The following JPH2 variants were observed in gnomAD, a reference collection of about 807,000 sequenced individuals.
JPH2 encodes the protein junctophilin 2, also known as junctophilin-2.
A neutral mutation model predicts 55.9 loss-of-function variants in JPH2; 38 were observed. The observed-to-expected ratio is 0.68, with a 90% CI of 0.52 to 0.89. JPH2 has a LOEUF of 0.89. JPH2 is among the 40% of genes least tolerant of loss of function. The probability of loss-of-function intolerance (pLI) is 0.00; values close to 1 mark genes in which losing one functional copy is unlikely to be tolerated. For synonymous variants in JPH2, 480 were observed against 472.4 expected, an observed-to-expected ratio of 1.02 and a Z score of -0.21; for missense variants, 964 against 1,037.6, an observed-to-expected ratio of 0.93 and a Z score of 0.97.
intron 2 of JPH2, among the ~76,000 whole-genome samples, chr20:44,156,607 G>A (rs1241567264): frequency 2.6e-5 from 4 of 152,166 alleles, no homozygotes; most frequent in Non-Finnish European, 4.4e-5. Flanking sequence ...ACATTCTCCA[G>A]AGGGGAGGAA....
In JPH2 at chr20:44,159,958, C is replaced by T; in HGVS notation, c.829G>A (p.Ala277Thr). The change falls in exon 2 of 6, where the codon GCA becomes ACA. Residue 277 changes from alanine (A) to threonine (T), a missense_variant. Physicochemically the swap from Ala to Thr is moderately conservative, Grantham distance 58. Coordinates refer to ENST00000372980, the MANE Select transcript of JPH2 (RefSeq NM_020433.5). This position sits in a 1 kb window ranked among gnomAD's most constrained non-coding sequence, Gnocchi z 5.7. ...GCGTCGATATCGGCCTCGAAGGGTG[C>T]GGCCTCGTCGGCGCCCTCGGCGGCC... is the stretch of plus-strand genomic sequence containing the variant. ...GEAAEGADEA[A>T]PFEADIDATT... 4 of 1,600,716 alleles carry T rather than the reference C, an allele frequency of 2.5e-6. No homozygotes were observed. Among genetic ancestry groups the T allele is most frequent in the East Asian group, 2.3e-5 (1 of 44,408 alleles).
intron 4 of JPH2, 119 bp downstream of exon 4, chr20:44,115,546 A>G (rs1052355849): frequency 3.0e-6 from 4 of 1,351,212 alleles, no homozygotes; most frequent in South Asian, 1.2e-5. Context: ...CTCCTGCTCT[A>G]TCCTGCTTCG....
intron 1 of JPH2, among the ~76,000 whole-genome samples, chr20:44,184,272 GTTCTTCTTC>G (rs151002502): frequency 1.3e-4 from 20 of 151,746 alleles, no homozygotes; most frequent in South Asian, 2.1e-4. Flanking sequence ...GTCAAAAAGT[GTTCTTCTTC>G]TTCTTCTTCT....
intron 2 of JPH2, among the ~76,000 whole-genome samples, chr20:44,142,343 G>A (rs1318343659): frequency 2.0e-5 from 3 of 152,138 alleles, no homozygotes; most frequent in Non-Finnish European, 4.4e-5. Context: ...GCCACAGGTT[G>A]CTAGTGGCTC....
chr20:44,121,186 A>G (rs1303364258), intron 2 of JPH2, among the ~76,000 whole-genome samples: 1 of 152,166 alleles, frequency 6.6e-6, no homozygotes, highest in African/African-American at 2.4e-5. Context: ...GAAGAAACAC[A>G]TACGTTAGGC....
intron 1 of JPH2, chr20:44,177,302 G>A (rs957757981): frequency 7.9e-5 from 78 of 985,788 alleles, no homozygotes; most frequent in East Asian, 1.1e-4. Context: ...AATGAGACTC[G>A]GCATTCCTCA....
At chr20:44,163,607 C>T (rs529199679) in intron 1 of JPH2, among the ~76,000 whole-genome samples, 6 of 152,306 alleles carry the variant, frequency 3.9e-5, no homozygotes, top group Admixed American at 2.0e-4. Flanking sequence ...CATGATAATG[C>T]GAATTTCCAG....
chr20:44,157,863 C>G (rs1458145180), intron 2 of JPH2, among the ~76,000 whole-genome samples: 1 of 151,146 alleles, frequency 6.6e-6, no homozygotes, highest in Non-Finnish European at 1.5e-5. Context: ...GCTGCAGCCC[C>G]AGGACAGGCG....
chr20:44,181,715 G>T (rs913440704), intron 1 of JPH2, among the ~76,000 whole-genome samples: 3 of 152,110 alleles, frequency 2.0e-5, no homozygotes, highest in African/African-American at 7.2e-5. Context: ...GTCTCCCTCC[G>T]CCCTCGTCAC....
chr20:44,123,167 C>T (rs1026555273), intron 2 of JPH2, among the ~76,000 whole-genome samples: 2 of 152,164 alleles, frequency 1.3e-5, no homozygotes, highest in Non-Finnish European at 2.9e-5. Context: ...CTCCAACCAC[C>T]CGGCCCGCTG....
chr20:44,134,650 TATTATAAATATATATAAATATATA>T lies in JPH2; in HGVS notation c.1170-16051_1170-16028del, dbSNP rs1315650940. On this transcript the variant is annotated intron_variant, in intron 2 of 5. Coordinates refer to ENST00000372980, the MANE Select transcript of JPH2 (RefSeq NM_020433.5). Reference sequence around the variant, plus strand: ...TATTTATTATAAATATATAAATATTTATTATAAATATATATAAATATATATTTATAAATATTATAAATATATATA... The same window carrying T: ...TATTTATTATAAATATATAAATATTTTTTATAAATATTATAAATATATATA... Among the ~76,000 whole-genome samples the T allele has an allele frequency of 2.6e-4, 11 of 42,460 alleles. 3 individuals carry two copies. Among genetic ancestry groups the T allele is most frequent in the Non-Finnish European group, 4.2e-4 (11 of 26,290 alleles). The allele number at this position is 42,460 out of a possible 152,430, so 27.9% of individuals were successfully genotyped here.
At chr20:44,145,009 G>A (rs951201561) in intron 2 of JPH2, among the ~76,000 whole-genome samples, 10 of 152,146 alleles carry the variant, frequency 6.6e-5, no homozygotes, top group South Asian at 2.1e-4. Flanking sequence ...GGGAAAAGCC[G>A]CTTGCCCAAA....
At chr20:44,125,131 A>G (rs2072266832) in intron 2 of JPH2, among the ~76,000 whole-genome samples, 2 of 143,714 alleles carry the variant, frequency 1.4e-5, no homozygotes, top group South Asian at 2.3e-4. Context: ...AAAAAAAAAA[A>G]GTAACATTTT....
At chr20:44,120,304 T>G (rs1356239753) in intron 2 of JPH2, among the ~76,000 whole-genome samples, 2 of 152,178 alleles carry the variant, frequency 1.3e-5, no homozygotes, top group Non-Finnish European at 2.9e-5. Flanking sequence ...GCCCCACAGT[T>G]GCACGTGACA....
Position 44,133,862 on chromosome 20 carries a change from CATTATAATATATAAATATATATTTAT to C in JPH2, c.1170-15265_1170-15240del. Among the ~76,000 whole-genome samples, 2 of 35,434 alleles carry C rather than the reference CATTATAATATATAAATATATATTTAT, an allele frequency of 5.6e-5. 1 individual carries two copies. Among genetic ancestry groups the C allele is most frequent in the East Asian group, 1.2e-3 (2 of 1,710 alleles). The allele number at this position is 35,434 out of a possible 152,430, so 23.2% of individuals were successfully genotyped here. A position where few individuals can be genotyped will look rare whatever the true frequency, so the allele number is the denominator to read the frequency against. The stretch of plus-strand genomic sequence containing the variant: ...TTATAAATATATATAAATAAATATA[CATTATAATATATAAATATATATTTAT>C]TATAAATATATATAAATAAATATAC... On this transcript the variant is annotated intron_variant, in intron 2 of 5. Coordinates refer to ENST00000372980, the MANE Select transcript of JPH2 (RefSeq NM_020433.5).
At chr20:44,114,926 C>A in intron 4 of JPH2, 50 bp from the exon 5 acceptor site, 1 of 1,408,780 alleles carries the variant, frequency 7.1e-7, no homozygotes, top group Non-Finnish European at 9.9e-7. Flanking sequence ...CTCGGAGACA[C>A]CCCCCACCCA....
chr20:44,150,410 T>C (rs1013256855), intron 2 of JPH2, among the ~76,000 whole-genome samples: 6 of 152,218 alleles, frequency 3.9e-5, no homozygotes, highest in African/African-American at 1.4e-4. Context: ...TGAAAGGTGC[T>C]CCATGTTCAT....
Position 44,108,574 on chromosome 20 carries a change from T to G in JPH2, c.*4944A>C, listed in dbSNP as rs1407928338. Among the ~76,000 whole-genome samples, 1 of 144,716 alleles carries G rather than the reference T, an allele frequency of 6.9e-6. No homozygotes were observed. The highest frequency in any genetic ancestry group is 1.5e-5 in the Non-Finnish European group (1 of 66,946). The allele number at this position is 144,716 out of a possible 152,430, so 94.9% of individuals were successfully genotyped here. A position where few individuals can be genotyped will look rare whatever the true frequency, so the allele number is the denominator to read the frequency against. On this transcript the variant is annotated 3_prime_UTR_variant, in exon 6 of 6. Coordinates refer to ENST00000372980, the MANE Select transcript of JPH2 (RefSeq NM_020433.5). ...GATGTAAATAGCTTTAAAAGGTCAC[T>G]AAGAAGTGACTGTATACCATTGCAC...
intron 2 of JPH2, among the ~76,000 whole-genome samples, chr20:44,135,494 C>G (rs1456837188): frequency 6.6e-6 from 1 of 152,152 alleles, no homozygotes; most frequent in African/African-American, 2.4e-5. Context: ...CCTTCAGGAC[C>G]CTTCCCCAGG....
Sources: gnomAD v4.1 joint callset for allele counts (sites outside exome capture counted in the v4.1 genomes callset) on GRCh38, gnomAD v4.1.1 for gene constraint, Gnocchi (gnomAD v3.1) non-coding constraint, MANE v1.5 for transcripts, NCBI Gene and HGNC (gene_info 2026-07-23, HGNC 2026-07-21) for gene names.